The following PPEF1 variants were observed in gnomAD, a reference collection of about 807,000 sequenced individuals.
PPEF1 encodes serine/threonine-protein phosphatase with EF-hands 1.
PPEF1 carries 12 observed loss-of-function variants against 53.3 expected under a neutral mutation model. That is an observed-to-expected ratio of 0.23 (90% CI 0.14 to 0.36). PPEF1 has a LOEUF of 0.36. Ranked by LOEUF, PPEF1 falls within the 10% of genes least tolerant of loss-of-function variation. The pLI is 1.00. For synonymous variants in PPEF1, 165 were observed against 176.7 expected (o/e 0.93, Z 0.52); for missense variants, 334 against 490.4 (o/e 0.68, Z 3.01).
intron 1 of PPEF1, among the ~76,000 whole-genome samples, chrX:18,711,955 A>G (rs1262218741): frequency 9.0e-6 from 1 of 110,951 alleles, no homozygotes; most frequent in Non-Finnish European, 1.9e-5. Flanking sequence ...GGGTTTCACC[A>G]TGTTGGCCAG....
chrX:18,773,263 A>T (rs762728305), intron 6 of PPEF1, among the ~76,000 whole-genome samples: 31 of 112,505 alleles, frequency 2.8e-4, no homozygotes, highest in African/African-American at 1.0e-3. Flanking sequence ...CTATAAGTTC[A>T]TGAGTTGTAT....
At chrX:18,763,310 A>G (rs1344033805) in intron 6 of PPEF1, among the ~76,000 whole-genome samples, 1 of 111,561 alleles carries the variant, frequency 9.0e-6, no homozygotes, top group Non-Finnish European at 1.9e-5. Flanking sequence ...TCACATCCCC[A>G]GTAAAACTTG....
intron 10 of PPEF1, among the ~76,000 whole-genome samples, chrX:18,795,464 C>T (rs763358218): frequency 3.6e-5 from 4 of 112,193 alleles, no homozygotes; most frequent in African/African-American, 1.3e-4. Flanking sequence ...GCCATGTACT[C>T]ATCTTTGTGA....
At chrX:18,807,677 AAAG>A (rs1054445340) in intron 12 of PPEF1, among the ~76,000 whole-genome samples, 2 of 111,290 alleles carry the variant, frequency 1.8e-5, no homozygotes, top group African/African-American at 6.5e-5. Context: ...TTTTTTTTTT[AAAG>A]AAGGAGTCTT....
chrX:18,817,903 A>G, intron 12 of PPEF1, 136 bp from the exon 13 acceptor site: 3 of 436,438 alleles, frequency 6.9e-6, no homozygotes, highest in Non-Finnish European at 1.2e-5. Flanking sequence ...GCATATATTT[A>G]CCATCTAGTA....
intron 8 of PPEF1, 21 bp downstream of exon 8, chrX:18,782,423 T>A: frequency 9.1e-7 from 1 of 1,104,592 alleles, no homozygotes; most frequent in Non-Finnish European, 1.2e-6. Flanking sequence ...CTTTTTTTTT[T>A]TTTTTTAGTA....
At chrX:18,784,612 T>C (rs1476861417) in intron 9 of PPEF1, among the ~76,000 whole-genome samples, 1 of 110,884 alleles carries the variant, frequency 9.0e-6, no homozygotes, top group African/African-American at 3.3e-5. Flanking sequence ...TCTACGAATT[T>C]CACCACTCTA....
chrX:18,739,106 C>T (rs1020407809), intron 3 of PPEF1, among the ~76,000 whole-genome samples: 22 of 112,136 alleles, frequency 2.0e-4, no homozygotes, highest in Admixed American at 6.6e-4. Flanking sequence ...TTGTTATTAC[C>T]GATCATCCGA....
intron 4 of PPEF1, among the ~76,000 whole-genome samples, chrX:18,754,183 A>G (rs188707777): frequency 9.6e-4 from 107 of 111,670 alleles, no homozygotes; most frequent in Middle Eastern, 4.7e-3. Flanking sequence ...GTGCTGAACC[A>G]TTGTTCAGTT....
intron 2 of PPEF1, among the ~76,000 whole-genome samples, chrX:18,731,752 C>T (rs1242010300): frequency 2.7e-5 from 3 of 112,095 alleles, no homozygotes; most frequent in Non-Finnish European, 5.6e-5. Context: ...TACCCATTAG[C>T]AGTCATTTCC....
intron 6 of PPEF1, among the ~76,000 whole-genome samples, chrX:18,763,123 A>G (rs1298686045): frequency 8.9e-6 from 1 of 111,817 alleles, no homozygotes; most frequent in Non-Finnish European, 1.9e-5. Context: ...CTTTTCATCT[A>G]TAACTAAGGT....
At chrX:18,770,446 T>A (rs1234907491) in intron 6 of PPEF1, among the ~76,000 whole-genome samples, 1 of 111,831 alleles carries the variant, frequency 8.9e-6, no homozygotes, top group Non-Finnish European at 1.9e-5. Flanking sequence ...TCAGGACTCC[T>A]TTTAGAATCA....
chrX:18,712,099 C>A (rs1241049002), intron 1 of PPEF1, among the ~76,000 whole-genome samples: 3 of 111,667 alleles, frequency 2.7e-5, no homozygotes, highest in Admixed American at 9.5e-5. Context: ...AGTATGAATT[C>A]TTCAACTTTG....
intron 2 of PPEF1, among the ~76,000 whole-genome samples, chrX:18,732,473 C>T (rs1448585430): frequency 8.9e-6 from 1 of 112,222 alleles, no homozygotes. Flanking sequence ...TTCCCACCAG[C>T]AGTGGATGAG....
At chrX:18,761,282 C>A (rs139408701) in intron 5 of PPEF1, among the ~76,000 whole-genome samples, 119 of 111,286 alleles carry the variant, frequency 1.1e-3, no homozygotes, top group African/African-American at 3.7e-3. Flanking sequence ...AGTGCTTGGC[C>A]CAGAGTGATC....
At position 18,740,916 on chromosome X, in the gene PPEF1, ATTTT is replaced by A. The variant is rs749122735; in HGVS notation, c.235+7127_235+7130del. Reference sequence around the variant, plus strand: ...CATTTTGCTTTAATTTGGGCCAACCATTTTTTTTTTTTTTTTTTTTTTGCTCTCA... The same window carrying A: ...CATTTTGCTTTAATTTGGGCCAACCATTTTTTTTTTTTTTTTTTGCTCTCA... On this transcript the variant is annotated intron_variant, in intron 3 of 15. Transcript: ENST00000470157. Among the ~76,000 whole-genome samples the A allele has an allele frequency of 8.6e-3, 643 of 75,138 alleles. 4 individuals carry two copies. Among genetic ancestry groups the A allele is most frequent in the African/African-American group, 0.026 (508 of 19,919 alleles). The allele number at this position is 75,138 out of a possible 115,157, so 65.2% of individuals were successfully genotyped here. A position where few individuals can be genotyped will look rare whatever the true frequency, so the allele number is the denominator to read the frequency against.
intron 1 of PPEF1, among the ~76,000 whole-genome samples, chrX:18,726,307 C>T (rs1001801398): frequency 9.1e-6 from 1 of 110,030 alleles, no homozygotes; most frequent in African/African-American, 3.3e-5. Flanking sequence ...GAGCCGAGAT[C>T]GTGGCTCTGC....
At chrX:18,788,212 G>T (rs752647391) in intron 9 of PPEF1, among the ~76,000 whole-genome samples, 106 of 105,813 alleles carry the variant, frequency 1.0e-3, no homozygotes, top group Non-Finnish European at 1.8e-3. Context: ...TGCTGAGGCA[G>T]GAGAATGGCG....
upstream of PPEF1, among the ~76,000 whole-genome samples, chrX:18,703,028 AG>A (rs200254935): frequency 0.012 from 1,295 of 111,244 alleles, 20 homozygotes; most frequent in African/African-American, 0.039. Context: ...ACGCTAACAG[AG>A]GGTGGGAAAT....
Sources: allele counts gnomAD v4.1 joint callset (sites outside exome capture counted in the v4.1 genomes callset), GRCh38; gene constraint gnomAD v4.1.1; transcripts MANE v1.5; gene names NCBI Gene and HGNC (gene_info 2026-07-23, HGNC 2026-07-21).